The following TMEM168 variants were observed in gnomAD, a reference collection of about 807,000 sequenced individuals.
TMEM168 encodes transmembrane protein 168.
A neutral mutation model predicts 53.2 loss-of-function variants in TMEM168; 40 were observed. The observed-to-expected ratio is 0.75, with a 90% CI of 0.58 to 0.98. The LOEUF (loss-of-function observed/expected upper bound fraction) is 0.98, where lower values mean the gene tolerates loss of function less well. Ranked by LOEUF, TMEM168 falls within the 50% of genes least tolerant of loss-of-function variation. The probability of loss-of-function intolerance (pLI) is 0.00; values close to 1 mark genes in which losing one functional copy is unlikely to be tolerated. For synonymous variants in TMEM168, 282 were observed against 293.0 expected, an observed-to-expected ratio of 0.96 and a Z score of 0.38; for missense variants, 771 against 828.8, an observed-to-expected ratio of 0.93 and a Z score of 0.86.
rs572039010 is a variant in TMEM168, at chr7:112,789,842, C to G, written c.-129+318G>C. 4.6e-5 allele frequency among the ~76,000 whole-genome samples: 7 copies of G among 152,370 alleles called. No homozygotes were observed. In the East Asian group the frequency reaches 1.4e-3, roughly 29 times the overall value. On this transcript the variant is annotated intron_variant, in intron 1 of 4. Coordinates refer to ENST00000312814, the MANE Select transcript of TMEM168 (RefSeq NM_022484.6). ...CTCCTCAGCACTAGAGCAGCAACAG[C>G]AATTTCTCTCCCTTTCGGCCTCCTT...
At chr7:112,786,969 A>C (rs2116312760) in intron 1 of TMEM168, among the ~76,000 whole-genome samples, 1 of 152,336 alleles carries the variant, frequency 6.6e-6, no homozygotes, top group African/African-American at 2.4e-5. Context: ...TCCGAATATA[A>C]GGAAAGAAGG....
chr7:112,766,483 A>C lies in TMEM168; in HGVS notation c.*714T>G, dbSNP rs1029797574. 3 of 152,624 alleles carry C rather than the reference A, an allele frequency of 2.0e-5. No individual in the cohort carries two copies. The highest frequency in any genetic ancestry group is 4.4e-5 in the Non-Finnish European group (3 of 68,022). 9.5% of individuals were successfully genotyped at this position (152,624 alleles called of 1,614,324 possible). The stretch of plus-strand genomic sequence containing the variant: ...ATTAAGAAAACATTAAGTTACCCTG[A>C]GAAAGACTCTTAATATTACCAGTGT... On this transcript the variant is annotated 3_prime_UTR_variant, in exon 5 of 5. Transcript: ENST00000312814.
At chr7:112,770,269 G>A (rs1031522348) in intron 4 of TMEM168, among the ~76,000 whole-genome samples, 1 of 152,152 alleles carries the variant, frequency 6.6e-6, no homozygotes, top group Admixed American at 6.6e-5. Flanking sequence ...ACAAGTATGC[G>A]AGATGCCTCA....
chr7:112,767,298 T>C lies in TMEM168; in HGVS notation c.1993A>G (p.Ile665Val). ...NWLCGLNLFW[I>V]CKTCFRCLKR... Reference sequence around the variant, plus strand: ...AAGCACCTAAAACAAGTTTTGCAGATCCAAAAAAGGTTCAGACCGCATAAC... The same window carrying C: ...AAGCACCTAAAACAAGTTTTGCAGACCCAAAAAAGGTTCAGACCGCATAAC... The change falls in exon 5 of 5, where the codon ATC becomes GTC. Residue 665 changes from isoleucine to valine, a missense_variant. Transcript: ENST00000312814. 1 of 1,614,060 alleles carries C rather than the reference T, an allele frequency of 6.2e-7. No individual in the cohort carries two copies. Among genetic ancestry groups the C allele is most frequent in the South Asian group, 1.1e-5 (1 of 91,084 alleles).
chr7:112,770,786 A>C (rs760278354), intron 4 of TMEM168, among the ~76,000 whole-genome samples: 2 of 152,178 alleles, frequency 1.3e-5, no homozygotes, highest in Non-Finnish European at 2.9e-5. Context: ...CTATTAAGTA[A>C]TAAATCCTTC....
chr7:112,772,891 G>T lies in TMEM168; in HGVS notation c.1436C>A (p.Ser479Tyr). The change falls in exon 4 of 5, where the codon TCC becomes TAC. Residue 479 changes from serine (S) to tyrosine (Y), a missense_variant. Physicochemically the swap from Ser to Tyr is moderately radical, Grantham distance 144. Coordinates refer to ENST00000312814, the MANE Select transcript of TMEM168 (RefSeq NM_022484.6). ...AAGTTCGAGGAAAGCTTTTAGTTTGGAATGCAGAGTATCAAATGACAGTCC... is the reference window on the plus strand; with the variant it reads ...AAGTTCGAGGAAAGCTTTTAGTTTGTAATGCAGAGTATCAAATGACAGTCC... ...TSGLSFDTLH[S>Y]KLKAFLELRT... 1 of 1,614,082 alleles carries T rather than the reference G, an allele frequency of 6.2e-7. No individual in the cohort carries two copies. Among genetic ancestry groups the T allele is most frequent in the Non-Finnish European group, 8.5e-7 (1 of 1,179,972 alleles).
chr7:112,787,713 A>ATTTTTT (rs71155069), intron 1 of TMEM168, among the ~76,000 whole-genome samples: 1 of 38,768 alleles, frequency 2.6e-5, no homozygotes, highest in African/African-American at 1.1e-4. Context: ...TGCGACTGGC[A>ATTTTTT]TTTTTTTTTT....
Position 112,777,412 on chromosome 7 carries a change from G to A in TMEM168, c.1129-2094C>T, listed in dbSNP as rs1793113802. Among the ~76,000 whole-genome samples the A allele has an allele frequency of 3.3e-5, 5 of 152,128 alleles. No individual in the cohort carries two copies. In the South Asian group the frequency reaches 1.0e-3, roughly 32 times the overall value. ...TTTTGTCATAAGTATTCATGGACCT[G>A]TTTTTGGTCTCTCTTCTTCTGTTCT... On this transcript the variant is annotated intron_variant, in intron 2 of 4. Coordinates refer to ENST00000312814, the MANE Select transcript of TMEM168 (RefSeq NM_022484.6).
chr7:112,789,496 T>C (rs1793484363), intron 1 of TMEM168, among the ~76,000 whole-genome samples: 1 of 152,236 alleles, frequency 6.6e-6, no homozygotes, highest in African/African-American at 2.4e-5. Context: ...AGAACTTAGC[T>C]ATATCCCACA....
Position 112,784,174 on chromosome 7 carries a change from C to T in TMEM168, c.652G>A (p.Glu218Lys), listed in dbSNP as rs777545835. ...AAAGCAATCGGATTTTTGGGAGTTT[C>T]CAATGAGGAAAAAAATAACAAAACT... ...FAVLLFFSSLETPKNPIAFAC... is the reference protein window; with the variant it reads ...FAVLLFFSSLKTPKNPIAFAC... Residue 218 changes from glutamate to lysine, a missense_variant, in exon 2 of 5, where the codon GAA (glutamate) becomes AAA (lysine). Transcript: ENST00000312814. 10 of 1,613,694 alleles carry T rather than the reference C, an allele frequency of 6.2e-6. No individual in the cohort carries two copies. The Admixed American group carries it at 1.7e-4, about 27-fold the overall frequency.
chr7:112,786,623 T>C lies in TMEM168; in HGVS notation c.-128-1670A>G, dbSNP rs900996690. ...GTTTTTTTTTTTTAAACATCACTAA[T>C]GTGTGTTATAAAATAATTCAACAAA... is the stretch of plus-strand genomic sequence containing the variant. On this transcript the variant is annotated intron_variant, in intron 1 of 4. Transcript: ENST00000312814. Among the ~76,000 whole-genome samples, 6 of 152,054 alleles carry C rather than the reference T, an allele frequency of 3.9e-5. 1 individual carries two copies. The highest frequency in any genetic ancestry group is 1.4e-4 in the African/African-American group (6 of 41,388).
intron 1 of TMEM168, among the ~76,000 whole-genome samples, chr7:112,789,088 G>C (rs1462385442): frequency 6.6e-6 from 1 of 152,056 alleles, no homozygotes; most frequent in Admixed American, 6.5e-5. Flanking sequence ...CAACCTTACT[G>C]ACCTTTCAAT....
chr7:112,789,966 A>G (rs1584457906), intron 1 of TMEM168, among the ~76,000 whole-genome samples, 194 bp downstream of exon 1: 1 of 152,174 alleles, frequency 6.6e-6, no homozygotes, highest in African/African-American at 2.4e-5. Flanking sequence ...TTGAGGGGGA[A>G]CCCTTGCGAA....
intron 1 of TMEM168, among the ~76,000 whole-genome samples, chr7:112,785,908 T>C (rs569488185): frequency 6.6e-6 from 1 of 152,216 alleles, no homozygotes; most frequent in South Asian, 2.1e-4. Context: ...CCCAATCAGA[T>C]ATTTAAAAAG....
chr7:112,784,094 A>G lies in TMEM168; in HGVS notation c.732T>C (p.Ser244=). 1 of 1,613,382 alleles carries G rather than the reference A, an allele frequency of 6.2e-7. No homozygotes were observed. The highest frequency in any genetic ancestry group is 8.5e-7 in the Non-Finnish European group (1 of 1,179,858). ...TCCATCTTTCAGTTACTGAAAGTCC[A>G]CTAAAATAAATGTCAAGGAAAGGAT... The part of the protein sequence containing the change: ...ITDPFLDIYF[S]GLSVTERWKP... The change falls in exon 2 of 5, where the codon AGT becomes AGC. Residue 244 remains serine, a synonymous_variant. Coordinates refer to ENST00000312814, the MANE Select transcript of TMEM168 (RefSeq NM_022484.6).
intron 4 of TMEM168, among the ~76,000 whole-genome samples, chr7:112,772,057 T>C (rs73205159): frequency 0.02 from 3,088 of 152,192 alleles, 47 homozygotes; most frequent in Non-Finnish European, 0.025. Flanking sequence ...CTATTAATAG[T>C]TGGAAAGACT....
chr7:112,772,140 T>C (rs918422344), intron 4 of TMEM168, among the ~76,000 whole-genome samples: 2 of 152,288 alleles, frequency 1.3e-5, no homozygotes, highest in Non-Finnish European at 1.5e-5. Flanking sequence ...CTATTTCCCA[T>C]AATGCATGCA....
rs1021234707 is a variant in TMEM168 at position 112,766,392 on chromosome 7, C to G, written c.*805G>C. 2 of 152,478 alleles carry G rather than the reference C, an allele frequency of 1.3e-5. No homozygotes were observed. The highest frequency in any genetic ancestry group is 2.9e-5 in the Non-Finnish European group (2 of 67,988). 9.4% of individuals were successfully genotyped at this position (152,478 alleles called of 1,614,324 possible). A position where few individuals can be genotyped will look rare whatever the true frequency, so the allele number is the denominator to read the frequency against. On this transcript the variant is annotated 3_prime_UTR_variant, in exon 5 of 5. Coordinates refer to ENST00000312814, the MANE Select transcript of TMEM168 (RefSeq NM_022484.6). ...TCAACGAGAAATTGCTAAATTTCTT[C>G]TATGAGAGTACTTTTCAAAAAGGAA... is the stretch of plus-strand genomic sequence containing the variant.
At chr7:112,789,999 C>T (rs891318934) in intron 1 of TMEM168, among the ~76,000 whole-genome samples, 161 bp downstream of exon 1, 4 of 152,166 alleles carry the variant, frequency 2.6e-5, no homozygotes, top group Admixed American at 6.5e-5. Context: ...GCTCCCACAC[C>T]CTCCAATCTC....
Sources: gnomAD v4.1 joint callset for allele counts (sites outside exome capture counted in the v4.1 genomes callset) on GRCh38, gnomAD v4.1.1 for gene constraint, MANE v1.5 for transcripts, NCBI Gene and HGNC (gene_info 2026-07-23, HGNC 2026-07-21) for gene names.